PTPRD: variants seen among roughly 807,000 people sequenced by gnomAD.
The protein encoded by PTPRD is protein tyrosine phosphatase receptor type D.
PTPRD carries 34 observed loss-of-function variants against 214.5 expected under a neutral mutation model. The ratio of observed to expected loss-of-function variants is 0.16; its 90% CI spans 0.12 to 0.21. The LOEUF (loss-of-function observed/expected upper bound fraction) is 0.21, where lower values mean the gene tolerates loss of function less well. Among genes scored for constraint, PTPRD ranks in the 10% least tolerant of loss-of-function variants. The pLI, the probability that PTPRD is intolerant of heterozygous loss-of-function variation, is 1.00. For synonymous variants in PTPRD, 1,128 were observed against 845.7 expected, an observed-to-expected ratio of 1.33 and a Z score of -5.79; for missense variants, 2,545 against 2,398.7, an observed-to-expected ratio of 1.06 and a Z score of -1.27.
At chr9:9,584,029 T>G (rs960104443) in intron 7 of PTPRD, among the ~76,000 whole-genome samples, 1 of 152,038 alleles carries the variant, frequency 6.6e-6, no homozygotes, top group Admixed American at 6.6e-5. Context: ...CAAACTCAAA[T>G]GCACATAAAA....
intron 11 of PTPRD, among the ~76,000 whole-genome samples, chr9:8,944,046 T>G (rs903460879): frequency 4.6e-5 from 7 of 151,380 alleles, no homozygotes; most frequent in African/African-American, 9.7e-5. Flanking sequence ...CTCAAACAAC[T>G]AAGTAGGAAA....
At chr9:8,443,001 C>A (rs1590624247) in intron 34 of PTPRD, among the ~76,000 whole-genome samples, 1 of 152,180 alleles carries the variant, frequency 6.6e-6, no homozygotes, top group South Asian at 2.1e-4. Flanking sequence ...TTAAATGAAC[C>A]GGGCATTGTG....
intron 2 of PTPRD, among the ~76,000 whole-genome samples, chr9:10,341,825 ATAT>A (rs1299409165): frequency 6.6e-6 from 1 of 151,128 alleles, no homozygotes; most frequent in Admixed American, 6.6e-5. Context: ...TTCCTAAGTA[ATAT>A]TAATTCTTTT....
intron 35 of PTPRD, among the ~76,000 whole-genome samples, chr9:8,413,891 C>G (rs1482672438): frequency 6.6e-6 from 1 of 151,930 alleles, no homozygotes; most frequent in Non-Finnish European, 1.5e-5. Context: ...AAATTAGGGA[C>G]TCTTCTAAGT....
chr9:10,457,051 G>A (rs1443705004), intron 2 of PTPRD, among the ~76,000 whole-genome samples: 1 of 151,656 alleles, frequency 6.6e-6, no homozygotes, highest in Non-Finnish European at 1.5e-5. Flanking sequence ...AAAAAATATT[G>A]TATATTATAC....
At chr9:9,538,065 G>A (rs1307099056) in intron 8 of PTPRD, among the ~76,000 whole-genome samples, 1 of 151,760 alleles carries the variant, frequency 6.6e-6, no homozygotes, top group Non-Finnish European at 1.5e-5. Flanking sequence ...GTCAGACAAA[G>A]GGTGTAGGCC....
rs530564398 is a variant in PTPRD, at chr9:10,144,894, A to T, written c.-544-111104T>A. Reference sequence around the variant, plus strand: ...TTTTTTATTAGCCAAAATTAAAAATAAAATTAGTATTAAACTACAGCATTG... The same window carrying T: ...TTTTTTATTAGCCAAAATTAAAAATTAAATTAGTATTAAACTACAGCATTG... On this transcript the variant is annotated intron_variant, in intron 3 of 45. Transcript: ENST00000381196. Among the ~76,000 whole-genome samples, 10 of 152,246 alleles carry T rather than the reference A, an allele frequency of 6.6e-5. No homozygotes were observed. The South Asian group carries it at 1.5e-3, about 22-fold the overall frequency.
At chr9:10,340,205 G>A (rs1046675563) in intron 3 of PTPRD, among the ~76,000 whole-genome samples, 7 of 151,798 alleles carry the variant, frequency 4.6e-5, no homozygotes, top group Non-Finnish European at 7.4e-5. Context: ...ATACGGTTAT[G>A]TACATTTGTT....
chr9:8,995,173 C>T (rs1294010167), intron 11 of PTPRD, among the ~76,000 whole-genome samples: 1 of 151,876 alleles, frequency 6.6e-6, no homozygotes, highest in African/African-American at 2.4e-5. Context: ...GATATAACAA[C>T]CAAATGCAAT....
At chr9:8,565,654 G>C (rs1009224601) in intron 14 of PTPRD, among the ~76,000 whole-genome samples, 1 of 152,010 alleles carries the variant, frequency 6.6e-6, no homozygotes, top group African/African-American at 2.4e-5. Context: ...TGGACATCAA[G>C]AGGAAGGAAA....
chr9:8,367,810 A>G (rs1259212717), intron 39 of PTPRD, among the ~76,000 whole-genome samples: 2 of 152,206 alleles, frequency 1.3e-5, no homozygotes, highest in Non-Finnish European at 2.9e-5. Context: ...CAGTAACTGT[A>G]AACATTTGTT....
intron 14 of PTPRD, among the ~76,000 whole-genome samples, chr9:8,529,083 G>A (rs1387129105): frequency 1.3e-5 from 2 of 152,218 alleles, no homozygotes; most frequent in South Asian, 2.1e-4. Context: ...AGATCAGTGA[G>A]TACCCAGAGG....
At chr9:9,564,884 G>GTTTTTTTTTTTTTTTTTTTTTT (rs1191664969) in intron 8 of PTPRD, among the ~76,000 whole-genome samples, 1 of 48,842 alleles carries the variant, frequency 2.0e-5, no homozygotes, top group African/African-American at 6.9e-5. Context: ...TGAATCTTCT[G>GTTTTTTTTTTTTTTTTTTTTTT]TTTTTTTTTT....
intron 7 of PTPRD, among the ~76,000 whole-genome samples, chr9:9,637,762 G>A (rs561234259): frequency 2.0e-5 from 3 of 152,120 alleles, no homozygotes; most frequent in Admixed American, 6.5e-5. Context: ...AACTCTCTGT[G>A]GTAGCCCAGA....
At chr9:9,771,452 A>G (rs1338930683) in intron 5 of PTPRD, among the ~76,000 whole-genome samples, 2 of 152,222 alleles carry the variant, frequency 1.3e-5, no homozygotes, top group East Asian at 1.9e-4. Context: ...CATGTCACAC[A>G]TGACAAGTTT....
intron 3 of PTPRD, among the ~76,000 whole-genome samples, chr9:10,187,785 G>A (rs958185539): frequency 1.3e-5 from 2 of 152,104 alleles, no homozygotes; most frequent in African/African-American, 4.8e-5. Context: ...CTGACCCCAG[G>A]ACTTCATCAC....
intron 3 of PTPRD, among the ~76,000 whole-genome samples, chr9:10,065,769 A>G (rs1235078736): frequency 6.6e-6 from 1 of 151,922 alleles, no homozygotes; most frequent in Admixed American, 6.6e-5. Flanking sequence ...ATGTTTTCCC[A>G]AAGAAACGGG....
At chr9:10,059,609 A>G (rs1278608681) in intron 3 of PTPRD, among the ~76,000 whole-genome samples, 1 of 152,036 alleles carries the variant, frequency 6.6e-6, no homozygotes, top group African/African-American at 2.4e-5. Flanking sequence ...ACAGATTGTA[A>G]AACTCTTGTC....
intron 35 of PTPRD, among the ~76,000 whole-genome samples, chr9:8,429,754 G>T (rs969397673): frequency 6.6e-6 from 1 of 152,204 alleles, no homozygotes; most frequent in African/African-American, 2.4e-5. Context: ...TCCACATCCA[G>T]AGACGGCAGC....
Sources: gnomAD v4.1 joint callset for allele counts (sites outside exome capture counted in the v4.1 genomes callset) on GRCh38, gnomAD v4.1.1 for gene constraint, MANE v1.5 for transcripts, NCBI Gene and HGNC (gene_info 2026-07-23, HGNC 2026-07-21) for gene names.